DOCK10: variants seen among roughly 807,000 people sequenced by gnomAD.
DOCK10 encodes the protein dedicator of cytokinesis protein 10.
A neutral mutation model predicts 280.1 loss-of-function variants in DOCK10; 145 were observed. The observed-to-expected ratio is 0.52, with a 90% confidence interval of 0.45 to 0.59. The LOEUF (loss-of-function observed/expected upper bound fraction) is 0.59. Among genes scored for constraint, DOCK10 ranks in the 20% least tolerant of loss-of-function variants. The probability of loss-of-function intolerance (pLI) is 0.00; values close to 1 mark genes in which losing one functional copy is unlikely to be tolerated. For missense variants in DOCK10, 2,368 were observed against 2,651.7 expected, an observed-to-expected ratio of 0.89 and a Z score of 2.35; for synonymous variants, 915 against 942.2, an observed-to-expected ratio of 0.97 and a Z score of 0.53.
Position 224,775,223 on chromosome 2 carries a change from C to G in DOCK10, c.5803-108G>C, listed in dbSNP as rs958236939. 5.0e-6 allele frequency: 5 copies of G among 1,004,516 alleles called. No homozygotes were observed. The East Asian group carries it at 1.3e-4, about 26-fold the overall frequency. The allele number at this position is 1,004,516 out of a possible 1,614,324, so 62.2% of individuals were successfully genotyped here. A position where few individuals can be genotyped will look rare whatever the true frequency, so the allele number is the denominator to read the frequency against. On this transcript the variant is annotated intron_variant, in intron 51 of 55. Coordinates refer to ENST00000258390, the MANE Select transcript of DOCK10 (RefSeq NM_014689.3). ...ATCCAGAGGAGGCTGTGCCTCTCCC[C>G]TTGGAGAAAAATGGGCAGTCACATC... is the stretch of plus-strand genomic sequence containing the variant.
At chr2:224,832,998 C>T (rs999899092) in intron 26 of DOCK10, among the ~76,000 whole-genome samples, 1 of 152,172 alleles carries the variant, frequency 6.6e-6, no homozygotes, top group Non-Finnish European at 1.5e-5. Flanking sequence ...CCATCGTTAG[C>T]ACAATCTCTT....
chr2:225,015,907 A>C (rs1277170897), intron 1 of DOCK10, among the ~76,000 whole-genome samples: 2 of 152,196 alleles, frequency 1.3e-5, no homozygotes, highest in Admixed American at 1.3e-4. Flanking sequence ...ATGTCAACTA[A>C]ATAAAATAAA....
chr2:224,905,937 T>G (rs1700603155), intron 3 of DOCK10, among the ~76,000 whole-genome samples: 1 of 152,046 alleles, frequency 6.6e-6, no homozygotes, highest in African/African-American at 2.4e-5. Context: ...AAGCTTGAAT[T>G]TTCAAATCTA....
rs982777992 is a variant in DOCK10 at position 224,808,040 on chromosome 2, G to A, written c.3456C>T (p.Phe1152=). The change falls in exon 32 of 56, where the codon TTC becomes TTT. Residue 1152 remains phenylalanine (F), a synonymous_variant. Coordinates refer to ENST00000258390, the MANE Select transcript of DOCK10 (RefSeq NM_014689.3). Reference sequence around the variant, plus strand: ...CTTCTCGGAGCAGAATTCCGATTAAGAAGTGTTTGCGACAAAATTCATTTG... The same window carrying A: ...CTTCTCGGAGCAGAATTCCGATTAAAAAGTGTTTGCGACAAAATTCATTTG... ...SVTNEFCRKH[F]LIGILLREVG... The A allele has an allele frequency of 3.1e-6, 5 of 1,612,610 alleles. No homozygotes were observed. In the African/African-American group the frequency reaches 6.7e-5, roughly 22 times the overall value.
At chr2:224,997,685 G>A (rs1259264870) in intron 1 of DOCK10, among the ~76,000 whole-genome samples, 3 of 152,162 alleles carry the variant, frequency 2.0e-5, no homozygotes, top group Non-Finnish European at 4.4e-5. Flanking sequence ...TTAGACAGCA[G>A]CCCATGTAGG....
At chr2:224,894,707 C>T (rs1559686915) in intron 4 of DOCK10, among the ~76,000 whole-genome samples, 1 of 152,158 alleles carries the variant, frequency 6.6e-6, no homozygotes, top group Non-Finnish European at 1.5e-5. Flanking sequence ...ATCTGGTAAA[C>T]GTTACTGTTC....
At chr2:225,012,621 T>C (rs546895001) in intron 1 of DOCK10, among the ~76,000 whole-genome samples, 5 of 152,344 alleles carry the variant, frequency 3.3e-5, no homozygotes, top group African/African-American at 1.2e-4. Context: ...TATTAACATA[T>C]AGCTCCCTAG....
At chr2:224,985,666 C>T (rs1284221509) in intron 1 of DOCK10, among the ~76,000 whole-genome samples, 1 of 150,982 alleles carries the variant, frequency 6.6e-6, no homozygotes, top group African/African-American at 2.4e-5. Flanking sequence ...AAGGGACTAA[C>T]AAAAACCACC....
At chr2:225,028,730 A>C (rs1476599448) in intron 1 of DOCK10, among the ~76,000 whole-genome samples, 2 of 152,122 alleles carry the variant, frequency 1.3e-5, no homozygotes, top group Non-Finnish European at 2.9e-5. Context: ...GCTTACGAAA[A>C]CAGCTCAGGC....
chr2:224,885,646 A>T, intron 7 of DOCK10, 25 bp downstream of exon 7: 1 of 1,546,766 alleles, frequency 6.5e-7, no homozygotes, highest in Admixed American at 2.2e-5. Flanking sequence ...AAAAATCCCA[A>T]GGAGGAAAAG....
chr2:224,953,760 T>C (rs1453975802), intron 1 of DOCK10, among the ~76,000 whole-genome samples: 2 of 152,178 alleles, frequency 1.3e-5, no homozygotes, highest in Non-Finnish European at 2.9e-5. Flanking sequence ...CTACTAAAAA[T>C]GATGGCAAAA....
chr2:224,808,023 A>G lies in DOCK10; in HGVS notation c.3473T>C (p.Leu1158Pro). The change falls in exon 32 of 56, where the codon CTC (leucine) becomes CCC (proline). Residue 1158 changes from leucine (L) to proline (P), a missense_variant. Physicochemically the swap from Leu to Pro is moderately conservative, Grantham distance 98. Transcript: ENST00000258390. The stretch of plus-strand genomic sequence containing the variant: ...CTGCAGGGCAAAGCCAACTTCTCGG[A>G]GCAGAATTCCGATTAAGAAGTGTTT... ...CRKHFLIGIL[L>P]REVGFALQED... The G allele has an allele frequency of 6.2e-7, 1 of 1,612,876 alleles. No individual in the cohort carries two copies. Among genetic ancestry groups the G allele is most frequent in the Non-Finnish European group, 8.5e-7 (1 of 1,179,352 alleles).
chr2:224,916,599 G>A, intron 3 of DOCK10, 96 bp downstream of exon 3: 1 of 547,008 alleles, frequency 1.8e-6, no homozygotes, highest in Non-Finnish European at 3.2e-6. Flanking sequence ...ATTATCTATT[G>A]AAAATGACAG....
At chr2:225,004,528 A>G (rs918973727) in intron 1 of DOCK10, among the ~76,000 whole-genome samples, 1 of 152,226 alleles carries the variant, frequency 6.6e-6, no homozygotes, top group Non-Finnish European at 1.5e-5. Context: ...CTAGGAAACT[A>G]GTGCATCCTT....
intron 1 of DOCK10, among the ~76,000 whole-genome samples, chr2:224,933,251 C>G (rs1702500981): frequency 6.6e-6 from 1 of 152,154 alleles, no homozygotes; most frequent in African/African-American, 2.4e-5. Context: ...TGATATTATT[C>G]TATTTAGACT....
chr2:224,841,808 C>A lies in DOCK10; in HGVS notation c.2657G>T (p.Cys886Phe), dbSNP rs748132729. 13 of 1,608,100 alleles carry A rather than the reference C, an allele frequency of 8.1e-6. No homozygotes were observed. The South Asian group carries it at 1.4e-4, about 18-fold the overall frequency. Residue 886 changes from cysteine (C) to phenylalanine (F), a missense_variant, in exon 23 of 56, where the codon TGT (cysteine) becomes TTT (phenylalanine). Transcript: ENST00000258390. Reference sequence around the variant, plus strand: ...ACTGCTTGCATGTCATGTTACCTTACAAGAGCGGATGAAATTTGAGGTAGG... The same window carrying A: ...ACTGCTTGCATGTCATGTTACCTTAAAAGAGCGGATGAAATTTGAGGTAGG... ...QSPTSNFIRSCKNLLNVEKIH... is the reference protein window; with the variant it reads ...QSPTSNFIRSFKNLLNVEKIH...
chr2:224,940,919 C>T (rs1703019167), intron 1 of DOCK10, among the ~76,000 whole-genome samples: 1 of 152,108 alleles, frequency 6.6e-6, no homozygotes, highest in Non-Finnish European at 1.5e-5. Flanking sequence ...TTCTTCCTCC[C>T]CCCATTTTCA....
chr2:224,801,859 C>CACAT, intron 40 of DOCK10, 57 bp downstream of exon 40: 15 of 1,576,220 alleles, frequency 9.5e-6, no homozygotes, highest in Non-Finnish European at 1.3e-5. Context: ...TCATGTCCTA[C>CACAT]ACATACCTAG....
intron 4 of DOCK10, among the ~76,000 whole-genome samples, chr2:224,888,686 T>C (rs1362809164): frequency 1.3e-5 from 2 of 151,614 alleles, no homozygotes; most frequent in Non-Finnish European, 2.9e-5. Context: ...TGAATATATA[T>C]GTGTGTATGT....
Sources: allele counts gnomAD v4.1 joint callset (sites outside exome capture counted in the v4.1 genomes callset), GRCh38; gene constraint gnomAD v4.1.1; transcripts MANE v1.5; gene names NCBI Gene and HGNC (gene_info 2026-07-23, HGNC 2026-07-21).